DIP2C: variants seen among roughly 807,000 people sequenced by gnomAD.
The protein encoded by DIP2C is disco-interacting protein 2 homolog C.
DIP2C carries 33 observed loss-of-function variants against 192.4 expected under a neutral mutation model. The ratio of observed to expected loss-of-function variants is 0.17; its 90% CI spans 0.13 to 0.23. The LOEUF is 0.23. Ranked by LOEUF, DIP2C falls within the 10% of genes least tolerant of loss-of-function variation. The pLI, the probability that DIP2C is intolerant of heterozygous loss-of-function variation, is 1.00. For missense variants in DIP2C, 1,537 were observed against 2,110.1 expected, an observed-to-expected ratio of 0.73 and a Z score of 5.32; for synonymous variants, 979 against 864.1, an observed-to-expected ratio of 1.13 and a Z score of -2.33.
intron 29 of DIP2C, 123 bp from the exon 30 acceptor site, chr10:329,724 A>T: frequency 7.9e-7 from 1 of 1,272,682 alleles, no homozygotes; most frequent in African/African-American, 1.5e-5. Context: ...CCGTGCTGCC[A>T]TCTGTAGAAG....
At chr10:378,450 T>C (rs1461084204) in intron 17 of DIP2C, among the ~76,000 whole-genome samples, 1 of 152,014 alleles carries the variant, frequency 6.6e-6, no homozygotes, top group Non-Finnish European at 1.5e-5. Context: ...TAAAGACACG[T>C]GAACACAAAC....
intron 30 of DIP2C, among the ~76,000 whole-genome samples, chr10:327,741 T>A (rs1452150375): frequency 6.6e-6 from 1 of 152,160 alleles, no homozygotes; most frequent in East Asian, 1.9e-4. Context: ...AAACTAAAAT[T>A]TTTGGATGAC....
intron 1 of DIP2C, among the ~76,000 whole-genome samples, chr10:638,412 G>A (rs994532755): frequency 4.6e-5 from 7 of 152,154 alleles, no homozygotes; most frequent in Admixed American, 1.3e-4. Context: ...TGACAGCAGG[G>A]TTTGCTTCAG....
intron 17 of DIP2C, among the ~76,000 whole-genome samples, chr10:378,443 A>G (rs1234604808): frequency 1.3e-5 from 2 of 152,258 alleles, no homozygotes; most frequent in Non-Finnish European, 2.9e-5. Flanking sequence ...GCATGCATAA[A>G]GACACGTGAA....
intron 1 of DIP2C, among the ~76,000 whole-genome samples, chr10:515,041 A>T (rs546403598): frequency 6.6e-6 from 1 of 152,336 alleles, no homozygotes; most frequent in East Asian, 1.9e-4. Flanking sequence ...AGTAATTTTC[A>T]GAAAAACAAA....
At chr10:435,091 C>T (rs192613054) in intron 4 of DIP2C, among the ~76,000 whole-genome samples, 2 of 152,260 alleles carry the variant, frequency 1.3e-5, no homozygotes, top group African/African-American at 4.8e-5. Context: ...GTTCCTCATT[C>T]TTCTCCTTGT....
intron 3 of DIP2C, among the ~76,000 whole-genome samples, chr10:466,105 A>G (rs1361540895): frequency 2.0e-5 from 3 of 148,028 alleles, no homozygotes; most frequent in Non-Finnish European, 4.5e-5. Flanking sequence ...AAAAGAACAA[A>G]GCTGGAGGCA....
chr10:472,476 TCGGCGGTGGTAG>T lies in DIP2C; in HGVS notation c.219_230del (p.Tyr74_Arg77del), dbSNP rs1374248737. 1 of 1,614,100 alleles carries T rather than the reference TCGGCGGTGGTAG, an allele frequency of 6.2e-7. No individual in the cohort carries two copies. The highest frequency in any genetic ancestry group is 1.1e-5 in the South Asian group (1 of 91,072). On this transcript the variant is annotated inframe_deletion, in exon 3 of 37. Coordinates refer to ENST00000280886, the MANE Select transcript of DIP2C (RefSeq NM_014974.3). ...GCTCATCTCGTGACCCTGAAGACCG[TCGGCGGTGGTAG>T]CGAGAGGCGGAGGAAGGAGTGACAG...
At position 361,732 on chromosome 10, in the gene DIP2C, C is replaced by T. The variant is rs532207130; in HGVS notation, c.2794+758G>A. Among the ~76,000 whole-genome samples the T allele has an allele frequency of 6.3e-4, 96 of 152,252 alleles. 1 individual carries two copies. Among genetic ancestry groups the T allele is most frequent in the Non-Finnish European group, 1.0e-3 (71 of 68,010 alleles). ...ACAGCCTGGGGAGAGCAACTGCCTC[C>T]GTGTCCTTCACAAGGCTGTTTACGT... is the stretch of plus-strand genomic sequence containing the variant. On this transcript the variant is annotated intron_variant, in intron 22 of 36. Coordinates refer to ENST00000280886, the MANE Select transcript of DIP2C (RefSeq NM_014974.3).
rs762695391 is a variant in DIP2C at position 472,421 on chromosome 10, A to AC, written c.268+17dup. Reference sequence around the variant, plus strand: ...AGGTGGCAGATGGACGTATTGTATCACCCCACCCCGTGCTTACCTGACCGA... The same window carrying AC: ...AGGTGGCAGATGGACGTATTGTATCACCCCCACCCCGTGCTTACCTGACCGA... On this transcript the variant is annotated intron_variant, in intron 3 of 36. Transcript: ENST00000280886. 3 of 1,609,204 alleles carry AC rather than the reference A, an allele frequency of 1.9e-6. No individual in the cohort carries two copies. In the East Asian group the frequency reaches 6.7e-5, roughly 36 times the overall value.
At chr10:578,232 T>A (rs950055036) in intron 1 of DIP2C, among the ~76,000 whole-genome samples, 1 of 152,220 alleles carries the variant, frequency 6.6e-6, no homozygotes, top group Non-Finnish European at 1.5e-5. Flanking sequence ...GATACTGCAT[T>A]TGTCATGAAC....
Position 363,366 on chromosome 10 carries a change from C to T in DIP2C, c.2478-55G>A. On this transcript the variant is annotated intron_variant, in intron 20 of 36. Coordinates refer to ENST00000280886, the MANE Select transcript of DIP2C (RefSeq NM_014974.3). This position sits in a 1 kb window ranked among gnomAD's most constrained non-coding sequence, Gnocchi z 5.4. ...GCGCCGGGGACGCTCATGCAGCCCT[C>T]CCTCCGCCATCAGGGGCTCCATAAC... The T allele has an allele frequency of 1.3e-6, 2 of 1,495,102 alleles. No individual in the cohort carries two copies. The highest frequency in any genetic ancestry group is 1.8e-6 in the Non-Finnish European group (2 of 1,085,084). The allele number at this position is 1,495,102 out of a possible 1,614,324, so 92.6% of individuals were successfully genotyped here.
chr10:521,054 A>G (rs1349191250), intron 1 of DIP2C, among the ~76,000 whole-genome samples: 1 of 152,262 alleles, frequency 6.6e-6, no homozygotes, highest in African/African-American at 2.4e-5. Flanking sequence ...AGTATTTAAT[A>G]TAAATCCTGG....
intron 19 of DIP2C, among the ~76,000 whole-genome samples, chr10:365,765 G>A (rs1276122974): frequency 1.3e-5 from 2 of 152,170 alleles, no homozygotes; most frequent in African/African-American, 4.8e-5. Flanking sequence ...TACACCACAT[G>A]CATACTTGCT....
chr10:524,075 A>G (rs919629634), intron 1 of DIP2C, among the ~76,000 whole-genome samples: 1 of 143,028 alleles, frequency 7.0e-6, no homozygotes, highest in Non-Finnish European at 1.5e-5. Flanking sequence ...CTCAGTTCTC[A>G]CGCCCAGCCG....
chr10:470,086 G>A (rs960082206), intron 3 of DIP2C, among the ~76,000 whole-genome samples: 2 of 152,176 alleles, frequency 1.3e-5, no homozygotes, highest in African/African-American at 2.4e-5. Context: ...GTAAATGGAT[G>A]CTTGATAGGT....
intron 18 of DIP2C, among the ~76,000 whole-genome samples, chr10:368,454 T>A (rs546065263): frequency 1.4e-4 from 21 of 152,324 alleles, no homozygotes; most frequent in African/African-American, 4.6e-4. Flanking sequence ...GCTAGAGGGC[T>A]GCAGGCAGAG....
In DIP2C at chr10:651,096, C is replaced by A; in HGVS notation, c.85+38398G>T. 1.4e-6 allele frequency: 1 copy of A among 717,532 alleles called. No individual in the cohort carries two copies. Among genetic ancestry groups the A allele is most frequent in the Non-Finnish European group, 2.6e-6 (1 of 385,108 alleles). 44.4% of individuals were successfully genotyped at this position (717,532 alleles called of 1,614,324 possible). ...TCTTGTCTCTCCCACACCTCCCAAA[C>A]TCTCTCCTGGCCAGCTCTCGCCACA... On this transcript the variant is annotated intron_variant, in intron 1 of 36. Transcript: ENST00000280886. The surrounding 1 kb of genome is among the most constrained non-coding windows in gnomAD (Gnocchi z 4.1).
At chr10:375,230 C>T (rs569556840) in intron 17 of DIP2C, among the ~76,000 whole-genome samples, 12 of 152,296 alleles carry the variant, frequency 7.9e-5, no homozygotes, top group African/African-American at 2.6e-4. Context: ...TATGAGTTCA[C>T]GTGGGATCTA....
Sources: gnomAD v4.1 joint callset for allele counts (sites outside exome capture counted in the v4.1 genomes callset) on GRCh38, gnomAD v4.1.1 for gene constraint, Gnocchi (gnomAD v3.1) non-coding constraint, MANE v1.5 for transcripts, NCBI Gene and HGNC (gene_info 2026-07-23, HGNC 2026-07-21) for gene names.